The following CNTN4 variants were observed in gnomAD, a reference collection of about 807,000 sequenced individuals.
CNTN4 encodes the protein contactin 4.
Under a neutral mutation model 122.5 loss-of-function variants are expected in CNTN4, and 77 were observed. The observed-to-expected ratio is 0.63, with a 90% CI of 0.52 to 0.76. The LOEUF is 0.76. Among genes scored for constraint, CNTN4 ranks in the 30% least tolerant of loss-of-function variants. The pLI, the probability that CNTN4 is intolerant of heterozygous loss-of-function variation, is 0.00. For synonymous variants in CNTN4, 512 were observed against 447.0 expected (o/e 1.15, Z -1.83); for missense variants, 1,256 against 1,259.1 (o/e 1.00, Z 0.04).
chr3:3,053,753 A>T (rs900257206), intron 23 of CNTN4, 54 bp from the exon 24 acceptor site: 1 of 1,582,546 alleles, frequency 6.3e-7, no homozygotes, highest in Admixed American at 1.7e-5. Context: ...AATGCTCCAT[A>T]TTTGGGACCT....
chr3:2,668,022 A>G (rs1294855690), intron 4 of CNTN4, among the ~76,000 whole-genome samples: 2 of 152,040 alleles, frequency 1.3e-5, no homozygotes, highest in African/African-American at 2.4e-5. Flanking sequence ...AAGTCAGGTA[A>G]CATGATGCCT....
chr3:2,806,848 TC>T, intron 6 of CNTN4, among the ~76,000 whole-genome samples: 1 of 152,250 alleles, frequency 6.6e-6, no homozygotes, highest in Middle Eastern at 3.4e-3. Flanking sequence ...GAGTGATTTA[TC>T]CTCCCACACT....
chr3:2,460,183 A>G (rs893521314), intron 3 of CNTN4, among the ~76,000 whole-genome samples: 6 of 152,080 alleles, frequency 3.9e-5, no homozygotes, highest in Admixed American at 6.6e-5. Context: ...TATCCTATGT[A>G]TAGTTTATCA....
intron 4 of CNTN4, among the ~76,000 whole-genome samples, chr3:2,597,539 G>A (rs1289572126): frequency 6.6e-6 from 1 of 152,148 alleles, no homozygotes; most frequent in African/African-American, 2.4e-5. Flanking sequence ...CTAGCAACAT[G>A]ATGCATCTGG....
At chr3:2,301,179 C>T (rs939997830) in intron 2 of CNTN4, among the ~76,000 whole-genome samples, 6 of 152,304 alleles carry the variant, frequency 3.9e-5, no homozygotes, top group African/African-American at 1.2e-4. Context: ...ATCACAGATG[C>T]ACTGTTAGTA....
intron 13 of CNTN4, among the ~76,000 whole-genome samples, chr3:2,970,260 G>A (rs114046224): frequency 0.015 from 2,299 of 151,674 alleles, 61 homozygotes; most frequent in African/African-American, 0.052. Flanking sequence ...ACACCCGGCC[G>A]ATTCTTTCAT....
At chr3:3,050,107 C>A (rs991845025) in intron 23 of CNTN4, among the ~76,000 whole-genome samples, 4 of 152,096 alleles carry the variant, frequency 2.6e-5, no homozygotes, top group African/African-American at 7.2e-5. Flanking sequence ...CACCTCATGG[C>A]CTAATTATCT....
chr3:2,883,045 A>T, intron 8 of CNTN4, 100 bp from the exon 9 acceptor site: 1 of 787,486 alleles, frequency 1.3e-6, no homozygotes, highest in Admixed American at 2.0e-5. Flanking sequence ...TTGTGCACAT[A>T]ATGATGTGTA....
chr3:2,504,773 A>C (rs1190898354), intron 3 of CNTN4, among the ~76,000 whole-genome samples: 1 of 152,212 alleles, frequency 6.6e-6, no homozygotes, highest in Non-Finnish European at 1.5e-5. Flanking sequence ...ATTCTTCAAA[A>C]CATTTGAATT....
chr3:2,519,885 AG>A (rs1484597877), intron 3 of CNTN4, among the ~76,000 whole-genome samples: 1 of 152,198 alleles, frequency 6.6e-6, no homozygotes, highest in Admixed American at 6.6e-5. Context: ...CACATCATGA[AG>A]TGGCATATAC....
At chr3:2,996,021 A>G (rs1456005233) in intron 14 of CNTN4, among the ~76,000 whole-genome samples, 2 of 152,174 alleles carry the variant, frequency 1.3e-5, no homozygotes, top group African/African-American at 4.8e-5. Context: ...TGTATGATTA[A>G]ATATAAAATT....
intron 4 of CNTN4, among the ~76,000 whole-genome samples, chr3:2,600,404 A>G (rs1002592878): frequency 1.3e-5 from 2 of 151,786 alleles, no homozygotes; most frequent in African/African-American, 4.8e-5. Flanking sequence ...CCTGTGTCCA[A>G]GTGTTCTCAT....
intron 4 of CNTN4, among the ~76,000 whole-genome samples, chr3:2,599,767 G>T (rs982839473): frequency 6.6e-6 from 1 of 152,130 alleles, no homozygotes; most frequent in Non-Finnish European, 1.5e-5. Context: ...TTGCATTAGA[G>T]AGTGTATTTT....
At chr3:2,171,328 C>T (rs1266167508) in intron 2 of CNTN4, among the ~76,000 whole-genome samples, 1 of 152,102 alleles carries the variant, frequency 6.6e-6, no homozygotes, top group Non-Finnish European at 1.5e-5. Context: ...AGGACAAAAA[C>T]ACTCATAAAA....
chr3:2,975,912 T>C (rs1693373979), intron 13 of CNTN4, among the ~76,000 whole-genome samples: 1 of 152,194 alleles, frequency 6.6e-6, no homozygotes, highest in East Asian at 1.9e-4. Context: ...TGGAATTATG[T>C]TGAAATTGTC....
chr3:2,672,404 C>T (rs1410183903), intron 4 of CNTN4, among the ~76,000 whole-genome samples: 5 of 152,186 alleles, frequency 3.3e-5, no homozygotes, highest in Admixed American at 2.0e-4. Context: ...GATGTAGGAC[C>T]CTCCGAGCCA....
intron 2 of CNTN4, among the ~76,000 whole-genome samples, chr3:2,278,616 AAAG>A (rs1383437626): frequency 2.0e-5 from 3 of 152,208 alleles, no homozygotes; most frequent in South Asian, 4.1e-4. Flanking sequence ...TATGCTGTTC[AAAG>A]AAGAACTTTA....
At chr3:2,529,104 C>T (rs1575863488) in intron 3 of CNTN4, among the ~76,000 whole-genome samples, 1 of 152,014 alleles carries the variant, frequency 6.6e-6, no homozygotes, top group African/African-American at 2.4e-5. Flanking sequence ...CCTATCTTTG[C>T]TCTCCCCACT....
intron 7 of CNTN4, among the ~76,000 whole-genome samples, chr3:2,838,480 G>C (rs766417613): frequency 6.6e-6 from 1 of 151,244 alleles, no homozygotes; most frequent in Non-Finnish European, 1.5e-5. Context: ...ATAGAGCATG[G>C]ATGAGAGAAA....
Sources: allele counts gnomAD v4.1 joint callset (sites outside exome capture counted in the v4.1 genomes callset), GRCh38; gene constraint gnomAD v4.1.1; transcripts MANE v1.5; gene names NCBI Gene and HGNC (gene_info 2026-07-23, HGNC 2026-07-21).